RIMS2: variants seen among roughly 807,000 people sequenced by gnomAD.
RIMS2 encodes regulating synaptic membrane exocytosis 2, also known as regulating synaptic membrane exocytosis protein 2.
RIMS2 carries 59 observed loss-of-function variants against 174.4 expected under a neutral mutation model. The observed-to-expected ratio is 0.34, with a 90% CI of 0.27 to 0.42. RIMS2 has a LOEUF of 0.42. Ranked by LOEUF, RIMS2 falls within the 10% of genes least tolerant of loss-of-function variation. The pLI is 1.00. For missense variants in RIMS2, 1,620 were observed against 1,666.3 expected (o/e 0.97, Z 0.48); for synonymous variants, 606 against 572.5 (o/e 1.06, Z -0.84).
chr8:104,199,220 C>G (rs913481116), intron 19 of RIMS2, among the ~76,000 whole-genome samples: 9 of 152,028 alleles, frequency 5.9e-5, no homozygotes, highest in Non-Finnish European at 1.0e-4. Flanking sequence ...CGCCACCACG[C>G]CCGGCTAATT....
intron 1 of RIMS2, among the ~76,000 whole-genome samples, chr8:103,521,444 T>C (rs899479308): frequency 2.0e-5 from 3 of 152,084 alleles, no homozygotes; most frequent in Non-Finnish European, 4.4e-5. Flanking sequence ...TACAGTTTTA[T>C]ATTTTGCTTA....
intron 1 of RIMS2, among the ~76,000 whole-genome samples, chr8:103,609,108 G>T (rs1290399374): frequency 6.6e-6 from 1 of 152,162 alleles, no homozygotes; most frequent in African/African-American, 2.4e-5. Context: ...AATGATTAGT[G>T]ATGTTGAGCA....
intron 2 of RIMS2, among the ~76,000 whole-genome samples, chr8:103,697,977 GA>G (rs1287754714): frequency 7.8e-6 from 1 of 128,154 alleles, no homozygotes; most frequent in Non-Finnish European, 1.7e-5. Flanking sequence ...TGTCTCAAAA[GA>G]AAAAAATTTG....
At chr8:103,982,308 A>G (rs927106314) in intron 16 of RIMS2, among the ~76,000 whole-genome samples, 4 of 152,148 alleles carry the variant, frequency 2.6e-5, no homozygotes, top group African/African-American at 9.7e-5. Context: ...CTAAATTCTA[A>G]CAAACATTTA....
chr8:104,235,117 A>G (rs2099251611), intron 19 of RIMS2, among the ~76,000 whole-genome samples: 2 of 152,142 alleles, frequency 1.3e-5, no homozygotes. Flanking sequence ...ATTTTTCATG[A>G]GAGAACAAAA....
intron 19 of RIMS2, among the ~76,000 whole-genome samples, chr8:104,183,085 G>A (rs1242431486): frequency 6.6e-6 from 1 of 151,678 alleles, no homozygotes; most frequent in Non-Finnish European, 1.5e-5. Context: ...AATGTTGCTT[G>A]CAGGTCTGTA....
intron 1 of RIMS2, among the ~76,000 whole-genome samples, chr8:103,552,358 C>A (rs1848386789): frequency 6.6e-6 from 1 of 152,152 alleles, no homozygotes; most frequent in South Asian, 2.1e-4. Flanking sequence ...AAAGGATGCC[C>A]TGTTTAATAA....
intron 3 of RIMS2, among the ~76,000 whole-genome samples, chr8:103,838,071 C>G (rs1403868018): frequency 6.6e-6 from 1 of 151,930 alleles, no homozygotes; most frequent in African/African-American, 2.4e-5. Flanking sequence ...CTCAGGCCCC[C>G]CAGTAGCTGG....
At chr8:103,832,185 T>A (rs2098829940) in intron 3 of RIMS2, among the ~76,000 whole-genome samples, 1 of 152,244 alleles carries the variant, frequency 6.6e-6, no homozygotes, top group South Asian at 2.1e-4. Context: ...TTTATCACTT[T>A]AAGAGCATAA....
At chr8:103,910,560 C>T (rs1205305846) in intron 5 of RIMS2, 31 bp downstream of exon 8, 1 of 1,361,082 alleles carries the variant, frequency 7.3e-7, no homozygotes, top group Non-Finnish European at 1.0e-6. Flanking sequence ...GCCTTTTAAC[C>T]TGCTCATTTG....
intron 1 of RIMS2, among the ~76,000 whole-genome samples, chr8:103,575,108 T>A (rs762953115): frequency 3.9e-5 from 6 of 152,006 alleles, no homozygotes; most frequent in Non-Finnish European, 8.8e-5. Flanking sequence ...AAAGAACATA[T>A]CACTCAATTA....
At chr8:103,872,177 G>A (rs2099115544) in intron 3 of RIMS2, among the ~76,000 whole-genome samples, 1 of 152,178 alleles carries the variant, frequency 6.6e-6, no homozygotes, top group Non-Finnish European at 1.5e-5. Flanking sequence ...AGAATTGGGA[G>A]GAGATGCTCA....
intron 19 of RIMS2, among the ~76,000 whole-genome samples, chr8:104,154,316 G>A (rs1299118463): frequency 6.6e-6 from 1 of 152,138 alleles, no homozygotes; most frequent in Non-Finnish European, 1.5e-5. Flanking sequence ...CTGTTAAATA[G>A]AACTTTTGGC....
In RIMS2 at chr8:103,700,778, G is replaced by T. The variant is rs139531432; in HGVS notation, c.387+3482G>T. Among the ~76,000 whole-genome samples the T allele has an allele frequency of 4.2e-3, 644 of 151,866 alleles. 4 individuals are homozygous for T. The highest frequency in any genetic ancestry group is 0.015 in the African/African-American group (613 of 41,466). On this transcript the variant is annotated intron_variant, in intron 2 of 23. Transcript: ENST00000504942. ...TATTTTCTCCTTTGTTGGCTCAATA[G>T]CTGTAACTGTTTTGTTATTTTATCA...
chr8:103,926,203 CAGGT>C (rs1377587244), intron 10 of RIMS2, among the ~76,000 whole-genome samples: 1 of 151,418 alleles, frequency 6.6e-6, no homozygotes, highest in East Asian at 1.9e-4. Flanking sequence ...TAAAACAAAA[CAGGT>C]AGGAAGACAG....
At chr8:103,793,886 G>A (rs113326073) in intron 3 of RIMS2, among the ~76,000 whole-genome samples, 51,108 of 151,882 alleles carry the variant, frequency 0.34, 9,504 homozygotes, top group East Asian at 0.77. Flanking sequence ...GGATGTGAAG[G>A]ACCTCTTCAA....
intron 2 of RIMS2, among the ~76,000 whole-genome samples, chr8:103,698,672 T>C (rs1373551499): frequency 2.6e-5 from 4 of 152,162 alleles, no homozygotes; most frequent in African/African-American, 9.7e-5. Flanking sequence ...TGTCTTGCTA[T>C]GTTGCCTAGG....
chr8:103,740,411 C>T (rs1287837712), intron 2 of RIMS2, among the ~76,000 whole-genome samples: 2 of 152,254 alleles, frequency 1.3e-5, no homozygotes, highest in African/African-American at 4.8e-5. Context: ...CAACGCCTGG[C>T]TTATAGGGCT....
At chr8:103,811,654 C>T (rs1385617942) in intron 3 of RIMS2, among the ~76,000 whole-genome samples, 1 of 152,142 alleles carries the variant, frequency 6.6e-6, no homozygotes, top group Non-Finnish European at 1.5e-5. Context: ...CCATGTTGGC[C>T]AGGCTGGTCT....
Sources: gnomAD v4.1 joint callset for allele counts (sites outside exome capture counted in the v4.1 genomes callset) on GRCh38, gnomAD v4.1.1 for gene constraint, MANE v1.5 for transcripts, NCBI Gene and HGNC (gene_info 2026-07-23, HGNC 2026-07-21) for gene names.